Variants in TRIP11 observed in about 807,000 individuals in gnomAD.
TRIP11 encodes thyroid hormone receptor interactor 11.
TRIP11 carries 148 observed loss-of-function variants against 223.1 expected under a neutral mutation model. The ratio of observed to expected loss-of-function variants is 0.66; its 90% CI spans 0.58 to 0.76. TRIP11 has a LOEUF of 0.76. TRIP11 is among the 30% of genes least tolerant of loss of function. TRIP11 has a pLI of 0.00. For missense variants in TRIP11, 2,043 were observed against 2,222.0 expected (o/e 0.92, Z 1.62); for synonymous variants, 762 against 772.6 (o/e 0.99, Z 0.23).
intron 18 of TRIP11, 82 bp downstream of exon 18, chr14:91,975,090 C>T: frequency 7.9e-7 from 1 of 1,262,254 alleles, no homozygotes; most frequent in Non-Finnish European, 1.2e-6. Flanking sequence ...GTAAAAGTTA[C>T]ATACAGTAAA....
chr14:91,986,068 C>T (rs555838504), intron 16 of TRIP11, among the ~76,000 whole-genome samples: 1 of 152,354 alleles, frequency 6.6e-6, no homozygotes, highest in African/African-American at 2.4e-5. Context: ...TTGTGCAACA[C>T]TGGCCTCTTG....
chr14:92,035,143 A>G lies in TRIP11; in HGVS notation c.140-1890T>C, dbSNP rs907546956. Among the ~76,000 whole-genome samples the G allele has an allele frequency of 1.9e-3, 253 of 133,904 alleles. 1 individual carries two copies. The highest frequency in any genetic ancestry group is 7.7e-4 in the Non-Finnish European group (46 of 59,516). 87.8% of individuals were successfully genotyped at this position (133,904 alleles called of 152,430 possible). A position where few individuals can be genotyped will look rare whatever the true frequency, so the allele number is the denominator to read the frequency against. On this transcript the variant is annotated intron_variant, in intron 1 of 20. Transcript: ENST00000267622. Reference sequence around the variant, plus strand: ...AATATGGCAAAACTCCATCTCTACTAAAAATACAAAAAAAAAAAAACTGGC... The same window carrying G: ...AATATGGCAAAACTCCATCTCTACTGAAAATACAAAAAAAAAAAAACTGGC...
chr14:91,995,900 G>C (rs1319725235), intron 13 of TRIP11, among the ~76,000 whole-genome samples: 1 of 146,484 alleles, frequency 6.8e-6, no homozygotes, highest in South Asian at 2.1e-4. Context: ...ACAGGCATGA[G>C]CCACCGCCCC....
Position 91,968,240 on chromosome 14 carries a change from T to C in TRIP11, c.*1433A>G. On this transcript the variant is annotated 3_prime_UTR_variant, in exon 21 of 21. Transcript: ENST00000267622. The stretch of plus-strand genomic sequence containing the variant: ...TTCTATTTTAAAAGCATATAGAAAT[T>C]TACAAAATTTGCAAGAAATATCTTT... 4.9e-6 allele frequency: 1 copy of C among 203,554 alleles called. No homozygotes were observed. Among genetic ancestry groups the C allele is most frequent in the Non-Finnish European group, 1.0e-5 (1 of 99,236 alleles). 12.6% of individuals were successfully genotyped at this position (203,554 alleles called of 1,614,324 possible).
intron 16 of TRIP11, chr14:91,977,095 T>C: frequency 3.0e-6 from 1 of 335,814 alleles, no homozygotes. Flanking sequence ...CTAGAAACAT[T>C]CACATCCAAA....
intron 1 of TRIP11, among the ~76,000 whole-genome samples, chr14:92,034,690 C>A (rs533184974): frequency 2.0e-5 from 3 of 152,326 alleles, no homozygotes; most frequent in East Asian, 1.9e-4. Context: ...CACTCTGCCA[C>A]CTAGGCTGGA....
At chr14:92,001,671 A>G (rs2056828881) in intron 11 of TRIP11, among the ~76,000 whole-genome samples, 1 of 152,244 alleles carries the variant, frequency 6.6e-6, no homozygotes, top group East Asian at 1.9e-4. Context: ...GCAAAGGTCA[A>G]TGAAATAGAA....
intron 4 of TRIP11, among the ~76,000 whole-genome samples, chr14:92,017,981 T>G (rs537279402): frequency 6.6e-6 from 1 of 152,298 alleles, no homozygotes; most frequent in South Asian, 2.1e-4. Context: ...GACAACAGTT[T>G]TACAAAATAA....
Position 92,004,665 on chromosome 14 carries a change from A to G in TRIP11, c.3311T>C (p.Val1104Ala). Residue 1104 changes from valine (V) to alanine (A), a missense_variant, in exon 11 of 21, where the codon GTT becomes GCT. Physicochemically the swap from Val to Ala is moderately conservative, Grantham distance 64. Coordinates refer to ENST00000267622, the MANE Select transcript of TRIP11 (RefSeq NM_004239.4). ...ATTTTCCCTAGTCTTCTCATTCAAAACAGCAAATACCTTTTCTCTTTCCAT... is the reference window on the plus strand; with the variant it reads ...ATTTTCCCTAGTCTTCTCATTCAAAGCAGCAAATACCTTTTCTCTTTCCAT... ...YAMEREKVFAVLNEKTRENSH... is the reference protein window; with the variant it reads ...YAMEREKVFAALNEKTRENSH... 1.2e-6 allele frequency: 2 copies of G among 1,614,150 alleles called. No individual in the cohort carries two copies. Among genetic ancestry groups the G allele is most frequent in the Non-Finnish European group, 1.7e-6 (2 of 1,180,028 alleles).
intron 10 of TRIP11, among the ~76,000 whole-genome samples, chr14:92,006,739 C>T (rs1020203232): frequency 1.3e-5 from 2 of 151,834 alleles, no homozygotes; most frequent in Admixed American, 6.6e-5. Context: ...CCGCAACCTC[C>T]GCCTCCACCT....
Position 92,000,121 on chromosome 14 carries a change from A to C in TRIP11, c.4558-13T>G, listed in dbSNP as rs1216154974. ...CTCCAGTCTTGCCCTTTTGGAAAGAAAAAATTTTAGCTTTAAAAAACACAC... is the reference window on the plus strand; with the variant it reads ...CTCCAGTCTTGCCCTTTTGGAAAGACAAAATTTTAGCTTTAAAAAACACAC... On this transcript the variant is annotated splice_polypyrimidine_tract_variant and intron_variant, in intron 11 of 20. Coordinates refer to ENST00000267622, the MANE Select transcript of TRIP11 (RefSeq NM_004239.4). The C allele has an allele frequency of 2.5e-6, 4 of 1,613,636 alleles. No individual in the cohort carries two copies. The highest frequency in any genetic ancestry group is 2.5e-6 in the Non-Finnish European group (3 of 1,179,912).
intron 1 of TRIP11, among the ~76,000 whole-genome samples, chr14:92,033,744 C>T (rs573205506): frequency 1.1e-4 from 17 of 152,280 alleles, no homozygotes; most frequent in African/African-American, 4.1e-4. Flanking sequence ...TAGAGGCACA[C>T]TCTTTTCCAG....
chr14:92,039,531 T>C lies in TRIP11; in HGVS notation c.139+16A>G, dbSNP rs2057360375. 6.2e-7 allele frequency: 1 copy of C among 1,613,168 alleles called. No homozygotes were observed. The highest frequency in any genetic ancestry group is 8.5e-7 in the Non-Finnish European group (1 of 1,179,748). ...GGTCTTAGAAAAGCCCTCCCTTCCCTCGCTCCAGCTGTTACCTTCCACTTC... is the reference window on the plus strand; with the variant it reads ...GGTCTTAGAAAAGCCCTCCCTTCCCCCGCTCCAGCTGTTACCTTCCACTTC... On this transcript the variant is annotated intron_variant, in intron 1 of 20. Transcript: ENST00000267622.
chr14:92,005,447 A>C lies in TRIP11; in HGVS notation c.2529T>G (p.Ile843Met), dbSNP rs555360112. 15 of 1,613,988 alleles carry C rather than the reference A, an allele frequency of 9.3e-6. No homozygotes were observed. The East Asian group carries it at 2.9e-4, about 31-fold the overall frequency. ...KYSQALRKNE[I>M]LRQTIEEKDR... Reference sequence around the variant, plus strand: ...CTTTTTCCTCTATGGTCTGTCTTAAAATTTCATTTTTTCTTAAGGCCTGAG... The same window carrying C: ...CTTTTTCCTCTATGGTCTGTCTTAACATTTCATTTTTTCTTAAGGCCTGAG... Residue 843 changes from isoleucine (I) to methionine (M), a missense_variant, in exon 11 of 21, where the codon ATT becomes ATG. Ile to Met is a conservative substitution (Grantham distance 10, BLOSUM62 1). Coordinates refer to ENST00000267622, the MANE Select transcript of TRIP11 (RefSeq NM_004239.4).
intron 2 of TRIP11, among the ~76,000 whole-genome samples, chr14:92,028,508 C>T (rs2057218410): frequency 6.6e-6 from 1 of 152,172 alleles, no homozygotes; most frequent in African/African-American, 2.4e-5. Context: ...GAGCCATGAT[C>T]ACACCACTGC....
At chr14:92,018,971 AAAAAAAAC>A (rs2057074624) in intron 4 of TRIP11, among the ~76,000 whole-genome samples, 1 of 150,938 alleles carries the variant, frequency 6.6e-6, no homozygotes, top group Non-Finnish European at 1.5e-5. Context: ...AAAAAAAAAA[AAAAAAAAC>A]AAAAAAAAAA....
Position 92,005,022 on chromosome 14 carries a change from T to C in TRIP11, c.2954A>G (p.Asp985Gly). The C allele has an allele frequency of 6.2e-7, 1 of 1,614,120 alleles. No individual in the cohort carries two copies. Among genetic ancestry groups the C allele is most frequent in the Non-Finnish European group, 8.5e-7 (1 of 1,180,042 alleles). Residue 985 changes from aspartate (D) to glycine (G), a missense_variant, in exon 11 of 21, where the codon GAC (aspartate) becomes GGC (glycine). Transcript: ENST00000267622. ...IKTQLHEERQ[D>G]IQTDNSDIFQ... is the part of the protein sequence containing the mutation. The stretch of plus-strand genomic sequence containing the variant: ...AATATCAGAGTTATCTGTTTGAATG[T>C]CCTGTCTTTCTTCATGCAACTGGGT...
In TRIP11 at chr14:92,004,193, A is replaced by G; in HGVS notation, c.3783T>C (p.Ser1261=). 1.2e-6 allele frequency: 2 copies of G among 1,614,178 alleles called. No homozygotes were observed. The highest frequency in any genetic ancestry group is 1.7e-6 in the Non-Finnish European group (2 of 1,180,044). ...GGCCAGTATAGTCCACTTGTAATTT[A>G]GAATTATTATCACTGTCAACCAAAA... The part of the protein sequence containing the change: ...AQVLVDSDNN[S]KLQVDYTGLI... Residue 1261 remains serine (S), a synonymous_variant, in exon 11 of 21, where the codon TCT becomes TCC. Transcript: ENST00000267622.
Position 92,004,162 on chromosome 14 carries a change from G to A in TRIP11, c.3814C>T (p.Gln1272Ter). Residue 1272 changes from glutamine (Q) to a stop codon, truncating the protein, a stop_gained, in exon 11 of 21, where the codon CAA becomes TAA. Transcript: ENST00000267622. LOFTEE classifies it high-confidence loss of function. The stretch of plus-strand genomic sequence containing the variant: ...TTGGTTTCATTCTGCTCATAACTTT[G>A]GATCAGGCCAGTATAGTCCACTTGT... ...KLQVDYTGLI[Q>*]SYEQNETKLK... 1.2e-6 allele frequency: 2 copies of A among 1,614,098 alleles called. No homozygotes were observed. Among genetic ancestry groups the A allele is most frequent in the Non-Finnish European group, 1.7e-6 (2 of 1,180,032 alleles).
Sources: gnomAD v4.1 joint callset for allele counts (sites outside exome capture counted in the v4.1 genomes callset) on GRCh38, gnomAD v4.1.1 for gene constraint, MANE v1.5 for transcripts, NCBI Gene and HGNC (gene_info 2026-07-23, HGNC 2026-07-21) for gene names.